ALK: variants seen among roughly 807,000 people sequenced by gnomAD.
The protein encoded by ALK is ALK receptor tyrosine kinase, also known as ALK tyrosine kinase receptor.
Under a neutral mutation model 163.1 loss-of-function variants are expected in ALK, and 74 were observed. The observed-to-expected ratio is 0.45, with a 90% CI of 0.38 to 0.55. The LOEUF (loss-of-function observed/expected upper bound fraction) is 0.55. Among genes scored for constraint, ALK ranks in the 20% least tolerant of loss-of-function variants. The pLI, the probability that ALK is intolerant of heterozygous loss-of-function variation, is 0.00. For missense variants in ALK, 2,063 were observed against 2,105.3 expected, an observed-to-expected ratio of 0.98 and a Z score of 0.39; for synonymous variants, 960 against 843.2, an observed-to-expected ratio of 1.14 and a Z score of -2.40.
intron 3 of ALK, among the ~76,000 whole-genome samples, chr2:29,632,264 A>G (rs1218809992): frequency 6.6e-6 from 1 of 152,178 alleles, no homozygotes; most frequent in Admixed American, 6.5e-5. Flanking sequence ...CTTGTAGAGT[A>G]CAGGGTTAGT....
At chr2:29,536,914 C>G (rs1276563268) in intron 3 of ALK, among the ~76,000 whole-genome samples, 1 of 152,204 alleles carries the variant, frequency 6.6e-6, no homozygotes, top group Admixed American at 6.5e-5. Flanking sequence ...GAAGGTTGAA[C>G]TTAAGAGTGA....
chr2:29,773,490 G>A (rs1012603372), intron 1 of ALK, among the ~76,000 whole-genome samples: 1 of 152,154 alleles, frequency 6.6e-6, no homozygotes, highest in African/African-American at 2.4e-5. Flanking sequence ...GGTCTGACTC[G>A]ACTGACTTCA....
At chr2:29,594,470 C>A (rs1675146189) in intron 3 of ALK, among the ~76,000 whole-genome samples, 1 of 149,408 alleles carries the variant, frequency 6.7e-6, no homozygotes, top group Non-Finnish European at 1.5e-5. Flanking sequence ...GCTCTGTCAC[C>A]CAGGCTGGAG....
At position 29,372,882 on chromosome 2, in the gene ALK, C is replaced by T. The variant is rs533866942; in HGVS notation, c.1282+10850G>A. Among the ~76,000 whole-genome samples the T allele has an allele frequency of 1.1e-4, 16 of 152,256 alleles. No individual in the cohort carries two copies. In the East Asian group the frequency reaches 2.9e-3, roughly 28 times the overall value. ...CCTGCTGTCAGTTGTTTCAGGAAGA[C>T]GGAGATGGTGTGGGACAGGTGGTGA... On this transcript the variant is annotated intron_variant, in intron 5 of 28. Transcript: ENST00000389048.
chr2:29,668,655 G>A (rs1401343394), intron 3 of ALK, among the ~76,000 whole-genome samples: 1 of 152,042 alleles, frequency 6.6e-6, no homozygotes, highest in Non-Finnish European at 1.5e-5. Context: ...GCCTTGTTTT[G>A]TGGCCTAACA....
At position 29,360,648 on chromosome 2, in the gene ALK, C is replaced by T. The variant is rs1668364766; in HGVS notation, c.1282+23084G>A. Among the ~76,000 whole-genome samples, 4 of 152,078 alleles carry T rather than the reference C, an allele frequency of 2.6e-5. No homozygotes were observed. The South Asian group carries it at 6.2e-4, about 24-fold the overall frequency. On this transcript the variant is annotated intron_variant, in intron 5 of 28. Coordinates refer to ENST00000389048, the MANE Select transcript of ALK (RefSeq NM_004304.5). ...ATGGACTCTTATCCTCAAAGAGTTG[C>T]AGTCTTAGGGCAGATATGACAGGAG...
rs760988933 is a variant in ALK at position 29,239,699 on chromosome 2, C to T, written c.2336G>A (p.Gly779Glu). The T allele has an allele frequency of 6.2e-7, 1 of 1,613,986 alleles. No homozygotes were observed. The highest frequency in any genetic ancestry group is 1.1e-5 in the South Asian group (1 of 91,078). ...ACTTACACTGGGGCAGGCGTCCTCT[C>T]CCTGCTGCCCAACCAGGATGTACAG... ...DMLYILVGQQ[G>E]EDACPSTNQL... Residue 779 changes from glycine to glutamate, a missense_variant, in exon 13 of 29, where the codon GGA becomes GAA. Gly to Glu is a moderately conservative substitution (Grantham distance 98). This residue lies in a region of ALK where 575 missense variants were observed against 626.6 expected (regional missense o/e 0.92). Coordinates refer to ENST00000389048, the MANE Select transcript of ALK (RefSeq NM_004304.5).
At chr2:29,251,411 A>C (rs1481380780) in intron 11 of ALK, 144 bp from the exon 12 acceptor site, 1 of 814,874 alleles carries the variant, frequency 1.2e-6, no homozygotes, top group East Asian at 2.7e-5. Flanking sequence ...AAGAAACACC[A>C]ATCAGCCATC....
At position 29,193,460 on chromosome 2, in the gene ALK, G is replaced by A. The variant is rs771622065; in HGVS notation, c.4627C>T (p.Pro1543Ser). The A allele has an allele frequency of 1.2e-6, 2 of 1,614,166 alleles. No homozygotes were observed. The highest frequency in any genetic ancestry group is 2.2e-5 in the East Asian group (1 of 44,880). The change falls in exon 29 of 29, where the codon CCT becomes TCT. Residue 1543 changes from proline to serine, a missense_variant. Around this residue, in one of 5 missense-constraint regions of ALK, gnomAD observed 403 missense variants for 366.2 expected, o/e 1.10. Transcript: ENST00000389048. Reference sequence around the variant, plus strand: ...GGAAGTCTCCCAGTTGCAACGTTAGGTGGGACAGTACAGCTTCCCTCCAGC... The same window carrying A: ...GGAAGTCTCCCAGTTGCAACGTTAGATGGGACAGTACAGCTTCCCTCCAGC... ...LGLEGSCTVP[P>S]NVATGRLPGA...
At chr2:29,357,457 A>G (rs1199829731) in intron 5 of ALK, among the ~76,000 whole-genome samples, 1 of 152,124 alleles carries the variant, frequency 6.6e-6, no homozygotes, top group East Asian at 1.9e-4. Context: ...ACAGCACATC[A>G]TACCACCGCT....
chr2:29,598,601 C>T (rs892127941), intron 3 of ALK, among the ~76,000 whole-genome samples: 1 of 152,030 alleles, frequency 6.6e-6, no homozygotes, highest in Non-Finnish European at 1.5e-5. Flanking sequence ...TTTAATAGTA[C>T]ATGACATTTA....
At chr2:29,817,173 G>C (rs1208316857) in intron 1 of ALK, among the ~76,000 whole-genome samples, 1 of 151,804 alleles carries the variant, frequency 6.6e-6, no homozygotes, top group African/African-American at 2.4e-5. Context: ...GGGAGTTCAA[G>C]GTTTACATAC....
intron 8 of ALK, among the ~76,000 whole-genome samples, chr2:29,303,087 A>G (rs1666414706): frequency 6.6e-6 from 1 of 152,224 alleles, no homozygotes; most frequent in South Asian, 2.1e-4. Flanking sequence ...AACAGCCTAC[A>G]GAATGGGAGA....
chr2:29,580,158 A>G (rs1269974027), intron 3 of ALK, among the ~76,000 whole-genome samples: 1 of 152,120 alleles, frequency 6.6e-6, no homozygotes, highest in Non-Finnish European at 1.5e-5. Flanking sequence ...ATATTAAGCC[A>G]CAGGAAAAAA....
At chr2:29,919,558 G>A (rs1274961746) in intron 1 of ALK, among the ~76,000 whole-genome samples, 2 of 152,204 alleles carry the variant, frequency 1.3e-5, no homozygotes, top group South Asian at 2.1e-4. Context: ...TATATTCCCT[G>A]AGAAGGTACC....
At chr2:29,514,937 A>C (rs973292079) in intron 4 of ALK, among the ~76,000 whole-genome samples, 3 of 152,098 alleles carry the variant, frequency 2.0e-5, no homozygotes, top group African/African-American at 7.2e-5. Flanking sequence ...CTTAAACTCT[A>C]CATCAGCTTT....
Position 29,251,175 on chromosome 2 carries a change from C to T in ALK, c.2134G>A (p.Val712Met), listed in dbSNP as rs78723472. 9 of 1,614,048 alleles carry T rather than the reference C, an allele frequency of 5.6e-6. No homozygotes were observed. The highest frequency in any genetic ancestry group is 4.5e-5 in the East Asian group (2 of 44,890). Residue 712 changes from valine (V) to methionine (M), a missense_variant, in exon 12 of 29, where the codon GTG becomes ATG. By Grantham distance (21) the Val-to-Met change is conservative. This residue lies in a region of ALK where 987 missense variants were observed against 939.5 expected (regional missense o/e 1.05). Coordinates refer to ENST00000389048, the MANE Select transcript of ALK (RefSeq NM_004304.5). Reference sequence around the variant, plus strand: ...AGGGGGCCCTCGCTCCCCACCTCCACGCTCAGGTTGGAGTTCTGGTAGGCG... The same window carrying T: ...AGGGGGCCCTCGCTCCCCACCTCCATGCTCAGGTTGGAGTTCTGGTAGGCG... ...NNAYQNSNLS[V>M]EVGSEGPLKG...
At chr2:29,554,604 G>C (rs1336372561) in intron 3 of ALK, among the ~76,000 whole-genome samples, 1 of 152,136 alleles carries the variant, frequency 6.6e-6, no homozygotes, top group Non-Finnish European at 1.5e-5. Flanking sequence ...GGCAATGTTG[G>C]GCCTATTGTT....
rs80088378 is a variant in ALK at position 29,193,171 on chromosome 2, C to G, written c.*53G>C. The G allele has an allele frequency of 5.7e-3, 9,067 of 1,585,138 alleles. 305 individuals carry two copies. In the African/African-American group the frequency reaches 0.082, roughly 14 times the overall value. ...TTTGTGAAGGAGCCATTGCCTCTCT[C>G]TCCTCCACGGTCTTAGGGATCCCAA... On this transcript the variant is annotated 3_prime_UTR_variant, in exon 29 of 29. Transcript: ENST00000389048.
Sources: gnomAD v4.1 joint callset for allele counts (sites outside exome capture counted in the v4.1 genomes callset) on GRCh38, gnomAD v4.1.1 for gene constraint, gnomAD v4.1.1 regional missense constraint, MANE v1.5 for transcripts, NCBI Gene and HGNC (gene_info 2026-07-23, HGNC 2026-07-21) for gene names.